Variants in CPNE4 observed in about 807,000 individuals in gnomAD.
CPNE4 encodes the protein copine-4.
CPNE4 carries 25 observed loss-of-function variants against 67.9 expected under a neutral mutation model. That is an observed-to-expected ratio of 0.37 (90% CI 0.27 to 0.51). CPNE4 has a LOEUF of 0.51. CPNE4 is among the 20% of genes least tolerant of loss of function. The pLI, the probability that CPNE4 is intolerant of heterozygous loss-of-function variation, is 0.93. For missense variants in CPNE4, 464 were observed against 690.8 expected (o/e 0.67, Z 3.68); for synonymous variants, 242 against 244.9 (o/e 0.99, Z 0.11).
rs975291331 is a variant in CPNE4 at position 131,620,528 on chromosome 3, T to C, written c.682-32946A>G. On this transcript the variant is annotated intron_variant, in intron 7 of 15. Transcript: ENST00000429747. The stretch of plus-strand genomic sequence containing the variant: ...AGGCAGAATAATGGTTCCTCAAGTA[T>C]GTCCATACCCTTATCCCTGGGACCT... 6 of 897,114 alleles carry C rather than the reference T, an allele frequency of 6.7e-6. No individual in the cohort carries two copies. The South Asian group carries it at 2.0e-4, about 31-fold the overall frequency. 55.6% of individuals were successfully genotyped at this position (897,114 alleles called of 1,614,324 possible). A position where few individuals can be genotyped will look rare whatever the true frequency, so the allele number is the denominator to read the frequency against.
intron 1 of CPNE4, among the ~76,000 whole-genome samples, chr3:131,987,492 T>C (rs1196656801): frequency 6.6e-6 from 1 of 151,720 alleles, no homozygotes; most frequent in African/African-American, 2.4e-5. Context: ...GTTCAAGCGA[T>C]TCTCCTGCCT....
At chr3:131,974,391 CACAT>C (rs2072589285) in intron 1 of CPNE4, among the ~76,000 whole-genome samples, 2 of 152,140 alleles carry the variant, frequency 1.3e-5, no homozygotes, top group South Asian at 2.1e-4. Flanking sequence ...ATACAATGTG[CACAT>C]ACACACACCT....
intron 2 of CPNE4, among the ~76,000 whole-genome samples, chr3:131,852,151 T>C (rs1028863857): frequency 1.3e-5 from 2 of 152,076 alleles, no homozygotes; most frequent in African/African-American, 4.8e-5. Flanking sequence ...TCTATGTACT[T>C]ACAGAGTATT....
intron 3 of CPNE4, among the ~76,000 whole-genome samples, chr3:131,705,431 T>C (rs745675062): frequency 2.6e-5 from 4 of 152,168 alleles, no homozygotes; most frequent in Non-Finnish European, 5.9e-5. Flanking sequence ...AGTTTAAATA[T>C]AAAATGCTCA....
intron 2 of CPNE4, among the ~76,000 whole-genome samples, chr3:131,883,693 T>G (rs1267469582): frequency 6.9e-6 from 1 of 144,596 alleles, no homozygotes; most frequent in Non-Finnish European, 1.6e-5. Flanking sequence ...ATAACTTCCC[T>G]GCCTCCTTGC....
chr3:131,624,582 T>G (rs2079015621), intron 7 of CPNE4, among the ~76,000 whole-genome samples: 1 of 152,168 alleles, frequency 6.6e-6, no homozygotes, highest in Admixed American at 6.6e-5. Context: ...CTATTAACTT[T>G]CCATATTCTT....
chr3:131,941,451 C>A (rs1215814436), intron 1 of CPNE4, among the ~76,000 whole-genome samples: 1 of 151,878 alleles, frequency 6.6e-6, no homozygotes, highest in Non-Finnish European at 1.5e-5. Flanking sequence ...TTTTTTCTCC[C>A]TTTATATCTT....
intron 9 of CPNE4, among the ~76,000 whole-genome samples, 189 bp downstream of exon 9, chr3:131,581,390 C>T (rs1163402249): frequency 9.2e-5 from 14 of 152,298 alleles, no homozygotes; most frequent in South Asian, 4.2e-4. Context: ...AGTGACACTG[C>T]GCTGCCACAG....
At chr3:131,824,923 T>C (rs6439319) in intron 2 of CPNE4, among the ~76,000 whole-genome samples, 33,035 of 151,914 alleles carry the variant, frequency 0.22, 3,872 homozygotes, top group Admixed American at 0.34. Context: ...TTAAAGGAAC[T>C]ACTCAAGTGG....
chr3:131,841,336 T>A (rs2085773957), intron 2 of CPNE4, among the ~76,000 whole-genome samples: 4 of 152,078 alleles, frequency 2.6e-5, no homozygotes, highest in Admixed American at 6.5e-5. Flanking sequence ...CAAAATTACA[T>A]CACTAAGCAT....
At chr3:131,636,465 A>G (rs980305183) in intron 7 of CPNE4, among the ~76,000 whole-genome samples, 5 of 152,200 alleles carry the variant, frequency 3.3e-5, no homozygotes, top group African/African-American at 1.2e-4. Context: ...CCACACCCCC[A>G]TCACCCACAG....
At chr3:131,879,503 A>G (rs2087585492) in intron 2 of CPNE4, among the ~76,000 whole-genome samples, 1 of 152,190 alleles carries the variant, frequency 6.6e-6, no homozygotes, top group Non-Finnish European at 1.5e-5. Context: ...TCTTTATTCA[A>G]AGGATTAAAC....
At chr3:131,856,877 T>C (rs2086466754) in intron 2 of CPNE4, among the ~76,000 whole-genome samples, 1 of 152,008 alleles carries the variant, frequency 6.6e-6, no homozygotes, top group Non-Finnish European at 1.5e-5. Context: ...ACAGAGCTAA[T>C]AAATAGCAAA....
At chr3:131,802,120 C>T (rs1310061184) in intron 2 of CPNE4, among the ~76,000 whole-genome samples, 1 of 152,038 alleles carries the variant, frequency 6.6e-6, no homozygotes, top group Non-Finnish European at 1.5e-5. Context: ...GTTCTGGTCA[C>T]CTGATCAAAG....
chr3:131,870,933 CT>C (rs1018393184), intron 2 of CPNE4, among the ~76,000 whole-genome samples: 3 of 152,070 alleles, frequency 2.0e-5, no homozygotes, highest in African/African-American at 7.2e-5. Context: ...TGAACACAAG[CT>C]TTTGTTGAAC....
At chr3:131,815,885 G>A in intron 2 of CPNE4, among the ~76,000 whole-genome samples, 1 of 151,750 alleles carries the variant, frequency 6.6e-6, no homozygotes, top group Non-Finnish European at 1.5e-5. Context: ...AGTTCACAGT[G>A]TTCCTATAAA....
At chr3:131,784,373 C>T (rs2083499922) in intron 2 of CPNE4, among the ~76,000 whole-genome samples, 1 of 151,972 alleles carries the variant, frequency 6.6e-6, no homozygotes. Context: ...TTTATAGCAC[C>T]CTCACTTCTG....
At position 131,848,981 on chromosome 3, in the gene CPNE4, A is replaced by AAAAAC. The variant is rs1297906130; in HGVS notation, c.180+56282_180+56283insGTTTT. On this transcript the variant is annotated intron_variant, in intron 2 of 15. Coordinates refer to ENST00000429747, the MANE Select transcript of CPNE4 (RefSeq NM_130808.3). ...CAAAAAAAAAAAAAAAAAAAAAAAA[A>AAAAAC]ACACAGAGATATCATCCACCTCCTC... 5.4e-4 allele frequency among the ~76,000 whole-genome samples: 76 copies of AAAAAC among 141,754 alleles called. 1 individual carries two copies. Among genetic ancestry groups the AAAAAC allele is most frequent in the Middle Eastern group, 3.8e-3 (1 of 260 alleles). 93.0% of individuals were successfully genotyped at this position (141,754 alleles called of 152,430 possible). A position where few individuals can be genotyped will look rare whatever the true frequency, so the allele number is the denominator to read the frequency against.
chr3:131,884,579 T>C (rs774944625), intron 2 of CPNE4, among the ~76,000 whole-genome samples: 13 of 152,136 alleles, frequency 8.5e-5, no homozygotes, highest in South Asian at 2.1e-4. Flanking sequence ...GACTATATGA[T>C]CTTGGAAACT....
Sources: gnomAD v4.1 joint callset for allele counts (sites outside exome capture counted in the v4.1 genomes callset) on GRCh38, gnomAD v4.1.1 for gene constraint, MANE v1.5 for transcripts, NCBI Gene and HGNC (gene_info 2026-07-23, HGNC 2026-07-21) for gene names.